CDH12: variants seen among roughly 807,000 people sequenced by gnomAD.
The protein encoded by CDH12 is cadherin-12.
In CDH12, 41 loss-of-function variants were observed where a neutral mutation model predicts 74.1. The ratio of observed to expected loss-of-function variants is 0.55; its 90% CI spans 0.43 to 0.72. The LOEUF is 0.72. CDH12 is among the 30% of genes least tolerant of loss of function. The probability of loss-of-function intolerance (pLI) is 0.00; values close to 1 mark genes in which losing one functional copy is unlikely to be tolerated. For synonymous variants in CDH12, 399 were observed against 355.0 expected (o/e 1.12, Z -1.39); for missense variants, 945 against 977.2 (o/e 0.97, Z 0.44).
chr5:22,529,109 T>G (rs868693609), intron 1 of CDH12, among the ~76,000 whole-genome samples: 1 of 108,162 alleles, frequency 9.2e-6, no homozygotes, highest in African/African-American at 3.1e-5. Context: ...TATATGCATA[T>G]ATATGCATGC....
intron 4 of CDH12, among the ~76,000 whole-genome samples, chr5:22,084,776 A>G (rs568688444): frequency 3.3e-4 from 50 of 152,254 alleles, no homozygotes; most frequent in Admixed American, 2.1e-3. Context: ...CAACAATAAT[A>G]ATGCAAGGAG....
chr5:22,136,338 G>GA (rs932675838), intron 4 of CDH12, among the ~76,000 whole-genome samples: 1 of 151,602 alleles, frequency 6.6e-6, no homozygotes, highest in Non-Finnish European at 1.5e-5. Flanking sequence ...GAACTTGCTG[G>GA]AAAAAAACAC....
intron 1 of CDH12, among the ~76,000 whole-genome samples, chr5:22,705,499 G>A (rs866222705): frequency 2.6e-4 from 38 of 143,470 alleles, no homozygotes; most frequent in Admixed American, 5.6e-4. Context: ...CAACACACAT[G>A]CACACACACA....
At chr5:22,843,882 A>G (rs1414518889) in intron 1 of CDH12, among the ~76,000 whole-genome samples, 1 of 152,074 alleles carries the variant, frequency 6.6e-6, no homozygotes, top group Non-Finnish European at 1.5e-5. Context: ...TATAAGAAAT[A>G]TGACTTTTTA....
At chr5:22,580,105 G>A (rs764285665) in intron 1 of CDH12, 61 of 233,996 alleles carry the variant, frequency 2.6e-4, no homozygotes, top group Non-Finnish European at 4.4e-4. Context: ...TAGACTTAGA[G>A]TCCCTGCCCC....
chr5:22,366,582 T>C (rs78708502), intron 3 of CDH12, among the ~76,000 whole-genome samples: 3,352 of 152,294 alleles, frequency 0.022, 62 homozygotes, highest in African/African-American at 0.051. Context: ...ACCTCTCGTT[T>C]TGAGACTTCA....
At chr5:22,221,667 C>T (rs1017572055) in intron 3 of CDH12, among the ~76,000 whole-genome samples, 1 of 151,766 alleles carries the variant, frequency 6.6e-6, no homozygotes, top group Non-Finnish European at 1.5e-5. Context: ...TGGCCAATAA[C>T]ATCTTAAATT....
intron 2 of CDH12, among the ~76,000 whole-genome samples, chr5:22,456,128 T>C (rs1343218737): frequency 1.3e-5 from 2 of 150,288 alleles, no homozygotes; most frequent in Non-Finnish European, 1.5e-5. Context: ...TATATATATA[T>C]ATATATAAAA....
intron 1 of CDH12, among the ~76,000 whole-genome samples, chr5:22,720,010 C>T (rs1743792973): frequency 6.7e-6 from 1 of 149,976 alleles, no homozygotes; most frequent in African/African-American, 2.5e-5. Flanking sequence ...AAAACTGCTG[C>T]CTCAGCACTA....
chr5:22,326,221 G>A (rs1195152350), intron 3 of CDH12, among the ~76,000 whole-genome samples: 2 of 133,668 alleles, frequency 1.5e-5, no homozygotes, highest in African/African-American at 2.7e-5. Context: ...TAATTTCCCA[G>A]TTGGCTATTT....
intron 1 of CDH12, among the ~76,000 whole-genome samples, chr5:22,702,180 C>G (rs1183590467): frequency 1.3e-5 from 2 of 152,096 alleles, no homozygotes; most frequent in Non-Finnish European, 2.9e-5. Context: ...ACACTAACTA[C>G]TCATTGTGTA....
chr5:22,605,325 T>C (rs1737055937), intron 1 of CDH12, among the ~76,000 whole-genome samples: 1 of 152,190 alleles, frequency 6.6e-6, no homozygotes, highest in Non-Finnish European at 1.5e-5. Context: ...TTCTATTAGT[T>C]CTACTTCTCT....
chr5:22,560,939 G>A (rs1739021915), intron 1 of CDH12, among the ~76,000 whole-genome samples: 2 of 151,850 alleles, frequency 1.3e-5, no homozygotes, highest in Admixed American at 6.6e-5. Flanking sequence ...CAGAAGGTTG[G>A]GACTACTTAA....
At chr5:22,660,524 G>A (rs1022927766) in intron 1 of CDH12, among the ~76,000 whole-genome samples, 1 of 151,920 alleles carries the variant, frequency 6.6e-6, no homozygotes, top group South Asian at 2.1e-4. Flanking sequence ...GGATCCTCTC[G>A]TCTCAGCCCC....
chr5:21,793,984 C>T (rs2149911385), intron 10 of CDH12, among the ~76,000 whole-genome samples: 1 of 150,558 alleles, frequency 6.6e-6, no homozygotes, highest in East Asian at 1.9e-4. Context: ...ATACTTTGTG[C>T]AAAATTAATT....
chr5:21,819,323 G>T (rs1176595990), intron 8 of CDH12, among the ~76,000 whole-genome samples: 1 of 151,982 alleles, frequency 6.6e-6, no homozygotes, highest in Non-Finnish European at 1.5e-5. Context: ...GAAAGCATGT[G>T]ACAAAGTTAT....
At chr5:22,187,665 G>A (rs10602713) in intron 4 of CDH12, among the ~76,000 whole-genome samples, 123,875 of 139,790 alleles carry the variant, frequency 0.89, 54,174 homozygotes, top group East Asian at 0.96. Context: ...AAAAAAAAAA[G>A]AAAGAAAGAA....
chr5:22,766,967 T>C (rs1466742039), intron 1 of CDH12, among the ~76,000 whole-genome samples: 1 of 152,088 alleles, frequency 6.6e-6, no homozygotes. Flanking sequence ...CATTATTTTA[T>C]ACCTTATGGC....
chr5:21,841,630 T>C (rs1194804627), intron 8 of CDH12, among the ~76,000 whole-genome samples: 1 of 151,186 alleles, frequency 6.6e-6, no homozygotes, highest in Non-Finnish European at 1.5e-5. Context: ...AATGATAGAC[T>C]GGATTAAGAA....
Sources: allele counts gnomAD v4.1 joint callset (sites outside exome capture counted in the v4.1 genomes callset), GRCh38; gene constraint gnomAD v4.1.1; transcripts MANE v1.5; gene names NCBI Gene and HGNC (gene_info 2026-07-23, HGNC 2026-07-21).